GHR: variants seen among roughly 807,000 people sequenced by gnomAD.
The protein encoded by GHR is GH receptor.
In GHR, 35 loss-of-function variants were observed where a neutral mutation model predicts 67.1. The ratio of observed to expected loss-of-function variants is 0.52; its 90% CI spans 0.40 to 0.69. The LOEUF (loss-of-function observed/expected upper bound fraction) is 0.69, where lower values mean the gene tolerates loss of function less well. Among genes scored for constraint, GHR ranks in the 30% least tolerant of loss-of-function variants. The pLI is 0.00. For synonymous variants in GHR, 272 were observed against 269.1 expected, an observed-to-expected ratio of 1.01 and a Z score of -0.10; for missense variants, 792 against 764.6, an observed-to-expected ratio of 1.04 and a Z score of -0.42.
chr5:42,580,174 T>C, intron 2 of GHR, among the ~76,000 whole-genome samples: 1 of 152,168 alleles, frequency 6.6e-6, no homozygotes, highest in East Asian at 1.9e-4. Context: ...CTTTCCTCAC[T>C]TGAAAAAACT....
chr5:42,710,270 G>C (rs896018044), intron 6 of GHR, among the ~76,000 whole-genome samples: 1 of 152,038 alleles, frequency 6.6e-6, no homozygotes, highest in African/African-American at 2.4e-5. Flanking sequence ...CCCAGCTGCT[G>C]ACTTAATAAA....
At chr5:42,519,643 C>A (rs1281226169) in intron 1 of GHR, among the ~76,000 whole-genome samples, 1 of 152,114 alleles carries the variant, frequency 6.6e-6, no homozygotes, top group African/African-American at 2.4e-5. Context: ...GATCTGATTT[C>A]TAAAAAAATG....
At chr5:42,566,918 A>G (rs1471608097) in intron 2 of GHR, among the ~76,000 whole-genome samples, 1 of 152,216 alleles carries the variant, frequency 6.6e-6, no homozygotes, top group Admixed American at 6.5e-5. Flanking sequence ...GAGGGTGACC[A>G]CAGTCACTTA....
intron 1 of GHR, among the ~76,000 whole-genome samples, chr5:42,460,880 G>A (rs1038071040): frequency 2.0e-5 from 3 of 152,166 alleles, no homozygotes; most frequent in Non-Finnish European, 4.4e-5. Flanking sequence ...GGGCTCTGGT[G>A]TGTTTTCTTC....
intron 2 of GHR, among the ~76,000 whole-genome samples, chr5:42,617,246 A>C (rs747780410): frequency 1.9e-4 from 29 of 151,992 alleles, no homozygotes; most frequent in Admixed American, 3.9e-4. Flanking sequence ...TCCCTTAAAA[A>C]AAAAAAAGAA....
rs115772613 is a variant in GHR at position 42,612,675 on chromosome 5, G to A, written c.71-16363G>A. On this transcript the variant is annotated intron_variant, in intron 2 of 9. Transcript: ENST00000230882. ...CAAAGAGTATAAACAAAGAGAAAGG[G>A]CATGATGTATTTTTGATAGGCTACC... is the stretch of plus-strand genomic sequence containing the variant. Among the ~76,000 whole-genome samples, 663 of 152,144 alleles carry A rather than the reference G, an allele frequency of 4.4e-3. 4 individuals carry two copies. Among genetic ancestry groups the A allele is most frequent in the African/African-American group, 0.015 (638 of 41,542 alleles).
intron 1 of GHR, among the ~76,000 whole-genome samples, chr5:42,517,370 T>C (rs951116253): frequency 2.0e-5 from 3 of 152,180 alleles, no homozygotes; most frequent in African/African-American, 7.2e-5. Flanking sequence ...CAGGGATGTG[T>C]CTGTGTTGTT....
chr5:42,683,867 C>T (rs758277467), intron 3 of GHR, among the ~76,000 whole-genome samples: 2 of 152,118 alleles, frequency 1.3e-5, no homozygotes, highest in African/African-American at 4.8e-5. Flanking sequence ...GTAATAAGGA[C>T]TTTCTATGCA....
At chr5:42,543,820 C>T (rs893929742) in intron 1 of GHR, among the ~76,000 whole-genome samples, 1 of 152,070 alleles carries the variant, frequency 6.6e-6, no homozygotes, top group African/African-American at 2.4e-5. Flanking sequence ...TCCTCTCTTT[C>T]TGGAATTCCA....
chr5:42,670,865 T>TTA (rs1554034829), intron 3 of GHR, among the ~76,000 whole-genome samples: 1 of 112,188 alleles, frequency 8.9e-6, no homozygotes, highest in Non-Finnish European at 1.9e-5. Context: ...AAGCAAAAAT[T>TTA]AAAAAAAAAA....
chr5:42,425,095 T>C (rs1046976038), intron 1 of GHR: 78 of 762,848 alleles, frequency 1.0e-4, no homozygotes, highest in Non-Finnish European at 1.2e-4. Context: ...GGATTAAGTA[T>C]TAAGGGCTTT....
At chr5:42,630,782 A>T (rs146025739) in intron 3 of GHR, among the ~76,000 whole-genome samples, 1 of 132,442 alleles carries the variant, frequency 7.6e-6, no homozygotes, top group East Asian at 2.0e-4. Context: ...TGTGTTACTA[A>T]TGGTACATGC....
chr5:42,449,813 A>T (rs1359739356), intron 1 of GHR, among the ~76,000 whole-genome samples: 1 of 152,038 alleles, frequency 6.6e-6, no homozygotes, highest in African/African-American at 2.4e-5. Flanking sequence ...TTCTATGCCA[A>T]TTTTGTTGAG....
chr5:42,449,380 A>C (rs912654272), intron 1 of GHR, among the ~76,000 whole-genome samples: 2 of 151,948 alleles, frequency 1.3e-5, no homozygotes, highest in Non-Finnish European at 2.9e-5. Context: ...TAAGTATTTT[A>C]TTTTTATTTT....
intron 1 of GHR, among the ~76,000 whole-genome samples, chr5:42,494,700 G>A (rs1561075498): frequency 6.6e-6 from 1 of 152,108 alleles, no homozygotes; most frequent in East Asian, 1.9e-4. Flanking sequence ...ATCTTGGGTA[G>A]AGTAAACTAA....
At chr5:42,679,392 C>T (rs969183914) in intron 3 of GHR, among the ~76,000 whole-genome samples, 3 of 151,222 alleles carry the variant, frequency 2.0e-5, no homozygotes, top group South Asian at 4.2e-4. Context: ...TTTGGGAGGC[C>T]GAGGTGGGTG....
intron 2 of GHR, among the ~76,000 whole-genome samples, chr5:42,597,322 C>G (rs1177982367): frequency 6.6e-6 from 1 of 152,080 alleles, no homozygotes; most frequent in Non-Finnish European, 1.5e-5. Context: ...AGTGACAGAT[C>G]TTGAGTGTTT....
At chr5:42,502,234 A>G (rs1579827407) in intron 1 of GHR, among the ~76,000 whole-genome samples, 1 of 152,320 alleles carries the variant, frequency 6.6e-6, no homozygotes, top group African/African-American at 2.4e-5. Context: ...GGGATCTTCA[A>G]TGATATAGGC....
At chr5:42,698,926 T>G (rs1757801786) in intron 5 of GHR, among the ~76,000 whole-genome samples, 1 of 152,228 alleles carries the variant, frequency 6.6e-6, no homozygotes, top group Non-Finnish European at 1.5e-5. Context: ...TTCATCAGCC[T>G]CTGAGAAATT....
Sources: gnomAD v4.1 joint callset for allele counts (sites outside exome capture counted in the v4.1 genomes callset) on GRCh38, gnomAD v4.1.1 for gene constraint, MANE v1.5 for transcripts, NCBI Gene and HGNC (gene_info 2026-07-23, HGNC 2026-07-21) for gene names.